DNM3: variants seen among roughly 807,000 people sequenced by gnomAD.
DNM3 encodes the protein dynamin 3, also known as dynamin-3.
Under a neutral mutation model 101.6 loss-of-function variants are expected in DNM3, and 47 were observed. The ratio of observed to expected loss-of-function variants is 0.46; its 90% CI spans 0.37 to 0.59. The LOEUF (loss-of-function observed/expected upper bound fraction) is 0.59, where lower values mean the gene tolerates loss of function less well. Among genes scored for constraint, DNM3 ranks in the 20% least tolerant of loss-of-function variants. The pLI is 0.00. For missense variants in DNM3, 849 were observed against 1,085.7 expected, an observed-to-expected ratio of 0.78 and a Z score of 3.06; for synonymous variants, 385 against 387.9, an observed-to-expected ratio of 0.99 and a Z score of 0.09.
At chr1:172,123,480 A>G (rs1460253142) in intron 13 of DNM3, among the ~76,000 whole-genome samples, 1 of 152,160 alleles carries the variant, frequency 6.6e-6, no homozygotes, top group Admixed American at 6.6e-5. Context: ...TTCAGGAAAT[A>G]CTGGATGACT....
chr1:172,162,493 A>G (rs955800230), intron 14 of DNM3, among the ~76,000 whole-genome samples: 3 of 152,038 alleles, frequency 2.0e-5, no homozygotes, highest in African/African-American at 7.2e-5. Context: ...GGAAAGCAGA[A>G]AAAAAATAGA....
Position 172,409,959 on chromosome 1 carries a change from A to G in DNM3, c.*2118A>G. On this transcript the variant is annotated 3_prime_UTR_variant, in exon 21 of 21. Coordinates refer to ENST00000627582, the MANE Select transcript of DNM3 (RefSeq NM_015569.5). ...AAAAAAAATTGGAGATTTTTTTCCA[A>G]TTTTCCTTCCACTGATCTTAGGCAG... 1.0e-6 allele frequency: 1 copy of G among 985,574 alleles called. No homozygotes were observed. Among genetic ancestry groups the G allele is most frequent in the Non-Finnish European group, 1.2e-6 (1 of 829,802 alleles). The allele number at this position is 985,574 out of a possible 1,614,324, so 61.1% of individuals were successfully genotyped here.
rs376393632 is a variant in DNM3 at position 172,069,609 on chromosome 1, T to C, written c.1422+704T>C. ...TTAGGTTTAAATGGATTTTTCTTAG[T>C]TACTTATAAAATATTATAACAGGAA... On this transcript the variant is annotated intron_variant, in intron 11 of 20. Coordinates refer to ENST00000627582, the MANE Select transcript of DNM3 (RefSeq NM_015569.5). 5.9e-5 allele frequency among the ~76,000 whole-genome samples: 9 copies of C among 152,330 alleles called. No individual in the cohort carries two copies. The East Asian group carries it at 1.7e-3, about 29-fold the overall frequency.
chr1:172,274,499 T>C (rs2148760762), intron 15 of DNM3, among the ~76,000 whole-genome samples: 1 of 152,162 alleles, frequency 6.6e-6, no homozygotes, highest in African/African-American at 2.4e-5. Flanking sequence ...TTTTCTAGTC[T>C]GGGGTAAAGA....
intron 2 of DNM3, among the ~76,000 whole-genome samples, chr1:171,963,411 T>C (rs2043345800): frequency 6.6e-6 from 1 of 152,096 alleles, no homozygotes; most frequent in African/African-American, 2.4e-5. Flanking sequence ...AGAGGATTTT[T>C]AGGGCAATGA....
intron 13 of DNM3, among the ~76,000 whole-genome samples, chr1:172,123,721 G>T (rs2056454256): frequency 6.6e-6 from 1 of 152,144 alleles, no homozygotes; most frequent in Admixed American, 6.6e-5. Context: ...TACTCCTCCT[G>T]GGGAGGACTG....
intron 13 of DNM3, among the ~76,000 whole-genome samples, chr1:172,119,142 ACCACCACAC>A (rs1481245150): frequency 3.3e-5 from 5 of 151,584 alleles, no homozygotes; most frequent in Non-Finnish European, 7.4e-5. Flanking sequence ...ACAGGCATGC[ACCACCACAC>A]CCAGTTAATT....
intron 14 of DNM3, among the ~76,000 whole-genome samples, chr1:172,239,795 T>TTC (rs1198576120): frequency 1.8e-4 from 9 of 50,400 alleles, no homozygotes; most frequent in South Asian, 7.6e-4. Flanking sequence ...TGTCTTTTTT[T>TTC]TTCTCTTTTT....
intron 4 of DNM3, among the ~76,000 whole-genome samples, chr1:172,008,854 T>G (rs1467373564): frequency 7.2e-6 from 1 of 138,856 alleles, no homozygotes; most frequent in East Asian, 2.0e-4. Flanking sequence ...TATATTATAT[T>G]ATATTACTAT....
intron 15 of DNM3, among the ~76,000 whole-genome samples, chr1:172,294,987 C>T (rs2064097397): frequency 1.3e-5 from 2 of 151,446 alleles, no homozygotes; most frequent in African/African-American, 2.4e-5. Context: ...ATTACTATAC[C>T]CCAAAAGTCA....
At chr1:172,337,591 T>C (rs1300634311) in intron 17 of DNM3, among the ~76,000 whole-genome samples, 1 of 152,238 alleles carries the variant, frequency 6.6e-6, no homozygotes, top group African/African-American at 2.4e-5. Flanking sequence ...TGAATTTATT[T>C]GATCAAATAA....
chr1:172,339,907 A>G (rs957185460), intron 17 of DNM3, among the ~76,000 whole-genome samples: 7 of 152,218 alleles, frequency 4.6e-5, no homozygotes, highest in Admixed American at 1.3e-4. Flanking sequence ...TCACTGGGTC[A>G]TAATGCATGA....
intron 2 of DNM3, among the ~76,000 whole-genome samples, chr1:171,974,583 C>G (rs563386362): frequency 6.6e-6 from 1 of 152,076 alleles, no homozygotes. Context: ...GTTTTGGATC[C>G]GAACTTTAGT....
intron 17 of DNM3, among the ~76,000 whole-genome samples, chr1:172,373,894 T>C (rs2068476515): frequency 6.6e-6 from 1 of 152,126 alleles, no homozygotes; most frequent in East Asian, 1.9e-4. Flanking sequence ...TTTTATCATC[T>C]TCACAAAGTT....
chr1:171,918,077 A>G (rs2039864783), intron 1 of DNM3, among the ~76,000 whole-genome samples: 1 of 152,196 alleles, frequency 6.6e-6, no homozygotes, highest in Non-Finnish European at 1.5e-5. Flanking sequence ...GATAGTTCAA[A>G]TGGGGTCTGT....
intron 17 of DNM3, among the ~76,000 whole-genome samples, chr1:172,372,436 T>G (rs1027382333): frequency 1.3e-5 from 2 of 151,942 alleles, no homozygotes; most frequent in African/African-American, 4.8e-5. Context: ...ATCTTTTATC[T>G]TAAACATACC....
chr1:171,997,840 C>G (rs1411279552), intron 4 of DNM3, among the ~76,000 whole-genome samples: 1 of 152,102 alleles, frequency 6.6e-6, no homozygotes, highest in African/African-American at 2.4e-5. Flanking sequence ...GTTTACATGG[C>G]ATCTTGTGTG....
intron 2 of DNM3, among the ~76,000 whole-genome samples, chr1:171,945,435 T>C (rs1394065899): frequency 6.6e-6 from 1 of 152,186 alleles, no homozygotes; most frequent in East Asian, 1.9e-4. Context: ...AAGGAGAATT[T>C]CAGAAAATGG....
chr1:172,211,675 T>G (rs2060520102), intron 14 of DNM3, among the ~76,000 whole-genome samples: 2 of 152,110 alleles, frequency 1.3e-5, no homozygotes, highest in African/African-American at 4.8e-5. Context: ...TTTAAAACAA[T>G]TTTTTTACAT....
Sources: allele counts gnomAD v4.1 joint callset (sites outside exome capture counted in the v4.1 genomes callset), GRCh38; gene constraint gnomAD v4.1.1; transcripts MANE v1.5; gene names NCBI Gene and HGNC (gene_info 2026-07-23, HGNC 2026-07-21).